Variants in PTPRD observed in about 807,000 individuals in gnomAD.
The protein encoded by PTPRD is receptor-type tyrosine-protein phosphatase delta.
A neutral mutation model predicts 214.5 loss-of-function variants in PTPRD; 34 were observed. That is an observed-to-expected ratio of 0.16 (90% confidence interval 0.12 to 0.21). The LOEUF (loss-of-function observed/expected upper bound fraction) is 0.21. Among genes scored for constraint, PTPRD ranks in the 10% least tolerant of loss-of-function variants. The pLI, the probability that PTPRD is intolerant of heterozygous loss-of-function variation, is 1.00. For synonymous variants in PTPRD, 1,128 were observed against 845.7 expected, an observed-to-expected ratio of 1.33 and a Z score of -5.79; for missense variants, 2,545 against 2,398.7, an observed-to-expected ratio of 1.06 and a Z score of -1.27.
chr9:8,551,963 G>C (rs748895460), intron 14 of PTPRD, among the ~76,000 whole-genome samples: 9 of 152,100 alleles, frequency 5.9e-5, no homozygotes, highest in Non-Finnish European at 1.2e-4. Context: ...GTTGGGATTT[G>C]AGTACAACTT....
intron 11 of PTPRD, among the ~76,000 whole-genome samples, chr9:8,808,116 T>A (rs576013179): frequency 1.6e-4 from 24 of 152,310 alleles, no homozygotes; most frequent in African/African-American, 5.8e-4. Flanking sequence ...CTCAAAAGTA[T>A]CATCGTGTTT....
chr9:10,347,785 C>T (rs2097112951), intron 2 of PTPRD, among the ~76,000 whole-genome samples: 1 of 151,988 alleles, frequency 6.6e-6, no homozygotes, highest in Admixed American at 6.5e-5. Context: ...AGGCTGTGAG[C>T]AGTGGCTCAC....
At chr9:9,081,743 T>A (rs1009223487) in intron 10 of PTPRD, among the ~76,000 whole-genome samples, 8 of 152,096 alleles carry the variant, frequency 5.3e-5, no homozygotes, top group African/African-American at 1.9e-4. Context: ...CCTTTACCAT[T>A]ATGTAGTGCC....
At chr9:10,009,103 T>C (rs1194389120) in intron 4 of PTPRD, among the ~76,000 whole-genome samples, 2 of 152,000 alleles carry the variant, frequency 1.3e-5, no homozygotes, top group African/African-American at 2.4e-5. Context: ...CCTAATGTCA[T>C]AGAAAGTTAA....
Position 10,591,263 on chromosome 9 carries a change from A to ATG in PTPRD, c.-600+21133_-600+21134dup, listed in dbSNP as rs1369024298. Among the ~76,000 whole-genome samples, 14 of 151,986 alleles carry ATG rather than the reference A, an allele frequency of 9.2e-5. 3 individuals are homozygous for ATG. Among genetic ancestry groups the ATG allele is most frequent in the Admixed American group, 9.2e-4 (14 of 15,238 alleles). On this transcript the variant is annotated intron_variant, in intron 2 of 45. Coordinates refer to ENST00000381196, the MANE Select transcript of PTPRD (RefSeq NM_002839.4). ...TATTATTTTTTGTTGGTGCATGTGT[A>ATG]TGTGTGTATGTCTGTGGTTTGACAG...
At chr9:10,194,345 TAGAGAGAGAGAGAG>T (rs1182799154) in intron 3 of PTPRD, among the ~76,000 whole-genome samples, 853 of 39,286 alleles carry the variant, frequency 0.022, 3 homozygotes, top group South Asian at 0.03. Flanking sequence ...TATATATATA[TAGAGAGAGAGAGAG>T]AGAGAGAGAG....
At chr9:9,484,734 G>A (rs1220766147) in intron 8 of PTPRD, among the ~76,000 whole-genome samples, 1 of 152,094 alleles carries the variant, frequency 6.6e-6, no homozygotes, top group Non-Finnish European at 1.5e-5. Flanking sequence ...AGGTCATATA[G>A]GTATTACATT....
intron 2 of PTPRD, among the ~76,000 whole-genome samples, chr9:10,593,252 G>A (rs2075928767): frequency 6.6e-6 from 1 of 151,952 alleles, no homozygotes; most frequent in Non-Finnish European, 1.5e-5. Context: ...ACAGTCTGGG[G>A]TCAGGCCTGA....
At chr9:9,803,941 GT>G (rs2099057580) in intron 5 of PTPRD, among the ~76,000 whole-genome samples, 1 of 152,024 alleles carries the variant, frequency 6.6e-6, no homozygotes, top group South Asian at 2.1e-4. Flanking sequence ...CTCACTAGAA[GT>G]TTATGGGTGC....
At chr9:8,455,269 T>C (rs2096143792) in intron 33 of PTPRD, among the ~76,000 whole-genome samples, 1 of 152,188 alleles carries the variant, frequency 6.6e-6, no homozygotes, top group Non-Finnish European at 1.5e-5. Context: ...ATTTATACAG[T>C]TGGGCTAATC....
intron 3 of PTPRD, among the ~76,000 whole-genome samples, chr9:10,246,142 C>A (rs1199901605): frequency 2.0e-5 from 3 of 152,086 alleles, no homozygotes; most frequent in Non-Finnish European, 4.4e-5. Context: ...TACAGCTATG[C>A]AACTACTAGA....
intron 14 of PTPRD, among the ~76,000 whole-genome samples, chr9:8,548,763 C>T (rs983234529): frequency 3.8e-5 from 5 of 133,214 alleles, no homozygotes; most frequent in East Asian, 2.4e-4. Context: ...GGTGCAATCT[C>T]GGCTCACGGC....
chr9:10,390,126 T>C (rs2098026706), intron 2 of PTPRD, among the ~76,000 whole-genome samples: 2 of 151,848 alleles, frequency 1.3e-5, no homozygotes, highest in Admixed American at 6.6e-5. Flanking sequence ...AGGACACATA[T>C]ACAGTACAGA....
At chr9:9,504,812 T>C (rs1001139535) in intron 8 of PTPRD, among the ~76,000 whole-genome samples, 1 of 151,670 alleles carries the variant, frequency 6.6e-6, no homozygotes, top group African/African-American at 2.4e-5. Context: ...AATTACAAGA[T>C]TGAAAATCAA....
chr9:9,383,998 C>T (rs1482119086), intron 9 of PTPRD, among the ~76,000 whole-genome samples: 1 of 151,832 alleles, frequency 6.6e-6, no homozygotes, highest in Non-Finnish European at 1.5e-5. Flanking sequence ...CCTGTGCACA[C>T]ACAAAAAGTC....
chr9:8,745,926 T>A (rs867514707), intron 11 of PTPRD, among the ~76,000 whole-genome samples: 4 of 151,932 alleles, frequency 2.6e-5, no homozygotes, highest in South Asian at 4.2e-4. Flanking sequence ...ACCCCCAGAG[T>A]ATCCGGGAAT....
chr9:8,989,678 T>C (rs1244982617), intron 11 of PTPRD, among the ~76,000 whole-genome samples: 3 of 152,032 alleles, frequency 2.0e-5, no homozygotes, highest in African/African-American at 7.2e-5. Flanking sequence ...TTTTAAAGGG[T>C]TTGGAAAGGC....
At chr9:8,342,708 T>C (rs571462099) in intron 39 of PTPRD, among the ~76,000 whole-genome samples, 3 of 152,218 alleles carry the variant, frequency 2.0e-5, no homozygotes, top group Non-Finnish European at 4.4e-5. Flanking sequence ...CATTGATCTG[T>C]CCATTTCTTC....
intron 9 of PTPRD, among the ~76,000 whole-genome samples, chr9:9,295,587 A>G (rs1952728800): frequency 6.6e-6 from 1 of 151,778 alleles, no homozygotes; most frequent in African/African-American, 2.4e-5. Context: ...TTAAGAGACT[A>G]TTGGAGCATT....
Sources: gnomAD v4.1 joint callset for allele counts (sites outside exome capture counted in the v4.1 genomes callset) on GRCh38, gnomAD v4.1.1 for gene constraint, MANE v1.5 for transcripts, NCBI Gene and HGNC (gene_info 2026-07-23, HGNC 2026-07-21) for gene names.